Variants in TAF3 observed in about 807,000 individuals in gnomAD.
TAF3 encodes the protein TATA-box binding protein associated factor 3.
TAF3 carries 7 observed loss-of-function variants against 80.6 expected under a neutral mutation model. That is an observed-to-expected ratio of 0.09 (90% CI 0.05 to 0.16). TAF3 has a LOEUF of 0.16. TAF3 is among the 10% of genes least tolerant of loss of function. TAF3 has a pLI of 1.00. For synonymous variants in TAF3, 444 were observed against 446.1 expected (o/e 1.00, Z 0.06); for missense variants, 921 against 1,140.2 (o/e 0.81, Z 2.77).
At chr10:7,921,101 T>G (rs1837758479) in intron 2 of TAF3, among the ~76,000 whole-genome samples, 1 of 152,040 alleles carries the variant, frequency 6.6e-6, no homozygotes, top group South Asian at 2.1e-4. Flanking sequence ...TTTAAGGTTT[T>G]TTTTTTACTC....
chr10:7,967,924 A>T (rs529821602), intron 3 of TAF3, among the ~76,000 whole-genome samples: 1 of 152,336 alleles, frequency 6.6e-6, no homozygotes, highest in Admixed American at 6.5e-5. Flanking sequence ...ATAGGAAAGG[A>T]TAAAGGTTAG....
chr10:7,830,763 C>T (rs1415347187), intron 2 of TAF3, among the ~76,000 whole-genome samples: 3 of 152,084 alleles, frequency 2.0e-5, no homozygotes, highest in African/African-American at 4.8e-5. Context: ...GGATTCCAGG[C>T]GTGAGCCACC....
intron 2 of TAF3, among the ~76,000 whole-genome samples, chr10:7,885,274 C>CCCA: frequency 7.5e-6 from 1 of 133,744 alleles, no homozygotes; most frequent in Non-Finnish European, 1.7e-5. Context: ...ACACACACAC[C>CCCA]CCCACACACA....
At chr10:7,925,594 A>G (rs1837806593) in intron 2 of TAF3, among the ~76,000 whole-genome samples, 1 of 151,684 alleles carries the variant, frequency 6.6e-6, no homozygotes, top group Admixed American at 6.6e-5. Flanking sequence ...ACTTGAGGTC[A>G]GGAGCTCGAG....
chr10:7,996,469 C>G (rs1182114721), intron 4 of TAF3, among the ~76,000 whole-genome samples: 1 of 152,178 alleles, frequency 6.6e-6, no homozygotes, highest in Non-Finnish European at 1.5e-5. Flanking sequence ...TGTGTGAATG[C>G]CAGGAGGCCA....
At chr10:8,008,092 C>CTTTTTT (rs1162726965) in intron 4 of TAF3, among the ~76,000 whole-genome samples, 2 of 106,038 alleles carry the variant, frequency 1.9e-5, no homozygotes, top group Admixed American at 1.2e-4. Flanking sequence ...TGGGAACAAT[C>CTTTTTT]TTTTTTTTTT....
At chr10:8,003,963 T>G (rs1831969277) in intron 4 of TAF3, among the ~76,000 whole-genome samples, 1 of 152,246 alleles carries the variant, frequency 6.6e-6, no homozygotes, top group African/African-American at 2.4e-5. Flanking sequence ...AAAAAAAATG[T>G]TATCTGTTAA....
intron 2 of TAF3, among the ~76,000 whole-genome samples, chr10:7,867,886 C>A (rs541055178): frequency 6.6e-6 from 1 of 151,866 alleles, no homozygotes; most frequent in African/African-American, 2.4e-5. Context: ...TGTAAACGGT[C>A]GATTAACACG....
chr10:7,876,293 A>C (rs946799633), intron 2 of TAF3, among the ~76,000 whole-genome samples: 1 of 152,180 alleles, frequency 6.6e-6, no homozygotes, highest in African/African-American at 2.4e-5. Context: ...AAGATTAATT[A>C]TTACCTGAAA....
At chr10:7,909,065 C>T (rs1270678474) in intron 2 of TAF3, among the ~76,000 whole-genome samples, 1 of 152,250 alleles carries the variant, frequency 6.6e-6, no homozygotes, top group Admixed American at 6.5e-5. Flanking sequence ...TACCAGCCGT[C>T]GCTGGGCCTG....
intron 2 of TAF3, among the ~76,000 whole-genome samples, chr10:7,874,904 C>A (rs1358571941): frequency 1.3e-5 from 2 of 151,976 alleles, no homozygotes; most frequent in Non-Finnish European, 2.9e-5. Flanking sequence ...TTCTTCAGTA[C>A]AGCCATTTTA....
At position 7,832,710 on chromosome 10, in the gene TAF3, C is replaced by T. The variant is rs148019459; in HGVS notation, c.409+8150C>T. ...GATTACAGGTGCCCACCACCACACCCGGCTAATTTTTGTGTTTTTAGTAGA... is the reference window on the plus strand; with the variant it reads ...GATTACAGGTGCCCACCACCACACCTGGCTAATTTTTGTGTTTTTAGTAGA... On this transcript the variant is annotated intron_variant, in intron 2 of 6. Transcript: ENST00000344293. Among the ~76,000 whole-genome samples, 785 of 152,154 alleles carry T rather than the reference C, an allele frequency of 5.2e-3. 6 individuals carry two copies. The highest frequency in any genetic ancestry group is 0.018 in the African/African-American group (755 of 41,510).
rs1447001012 is a variant in TAF3 at position 7,986,685 on chromosome 10, C to G, written c.2315+9362C>G. Among the ~76,000 whole-genome samples the G allele has an allele frequency of 6.6e-5, 10 of 152,156 alleles. No homozygotes were observed. In the South Asian group the frequency reaches 1.5e-3, roughly 22 times the overall value. ...GCATCTTCAAGCTTGGCTGTCTCCT[C>G]CTTGTCTAGACACAAATGGTCAGGT... is the stretch of plus-strand genomic sequence containing the variant. On this transcript the variant is annotated intron_variant, in intron 4 of 6. Coordinates refer to ENST00000344293, the MANE Select transcript of TAF3 (RefSeq NM_031923.4).
At chr10:7,982,990 A>G (rs1831740352) in intron 4 of TAF3, among the ~76,000 whole-genome samples, 1 of 152,210 alleles carries the variant, frequency 6.6e-6, no homozygotes, top group Non-Finnish European at 1.5e-5. Context: ...CTTGGTGGCA[A>G]GTAACAGAAA....
intron 2 of TAF3, among the ~76,000 whole-genome samples, chr10:7,961,931 C>T (rs965100088): frequency 1.3e-5 from 2 of 152,070 alleles, no homozygotes; most frequent in African/African-American, 4.8e-5. Flanking sequence ...CTCATTGCAG[C>T]CTCAACCTTC....
intron 2 of TAF3, among the ~76,000 whole-genome samples, chr10:7,913,917 A>G (rs1467465584): frequency 6.6e-6 from 1 of 152,212 alleles, no homozygotes; most frequent in Non-Finnish European, 1.5e-5. Context: ...TTGATCCAGA[A>G]TGTGATATTC....
chr10:7,966,057 A>G (rs1420598754), intron 3 of TAF3, among the ~76,000 whole-genome samples: 1 of 152,184 alleles, frequency 6.6e-6, no homozygotes, highest in Non-Finnish European at 1.5e-5. Context: ...AATTGTGAAT[A>G]ATATTTATGT....
intron 5 of TAF3, among the ~76,000 whole-genome samples, chr10:8,013,428 G>A (rs2131443917): frequency 6.6e-6 from 1 of 152,034 alleles, no homozygotes; most frequent in South Asian, 2.1e-4. Context: ...TTTTATGAAA[G>A]GGGTTACAGG....
chr10:7,846,125 A>G (rs1836969225), intron 2 of TAF3, among the ~76,000 whole-genome samples: 1 of 151,728 alleles, frequency 6.6e-6, no homozygotes, highest in African/African-American at 2.4e-5. Flanking sequence ...CGCCTAGCTA[A>G]TTTTTTGTGT....
Sources: allele counts gnomAD v4.1 joint callset (sites outside exome capture counted in the v4.1 genomes callset), GRCh38; gene constraint gnomAD v4.1.1; transcripts MANE v1.5; gene names NCBI Gene and HGNC (gene_info 2026-07-23, HGNC 2026-07-21).